Variants in A2M observed in about 807,000 individuals in gnomAD.
The protein encoded by A2M is C3 and PZP-like alpha-2-macroglobulin domain-containing protein 5.
Under a neutral mutation model 183.9 loss-of-function variants are expected in A2M, and 128 were observed. The observed-to-expected ratio is 0.70, with a 90% confidence interval of 0.60 to 0.81. The LOEUF (loss-of-function observed/expected upper bound fraction) is 0.81, where lower values mean the gene tolerates loss of function less well. Among genes scored for constraint, A2M ranks in the 30% least tolerant of loss-of-function variants. The pLI is 0.00. For missense variants in A2M, 1,495 were observed against 1,787.6 expected, an observed-to-expected ratio of 0.84 and a Z score of 2.95; for synonymous variants, 592 against 670.8, an observed-to-expected ratio of 0.88 and a Z score of 1.81.
chr12:9,107,621 G>A lies in A2M; in HGVS notation c.782C>T (p.Pro261Leu), dbSNP rs182493380. 2,608 of 1,613,946 alleles carry A rather than the reference G, an allele frequency of 1.6e-3. 76 individuals are homozygous for A. The Admixed American group carries it at 0.042, about 26-fold the overall frequency. Reference protein sequence around the residue: ...CGLYTYGKPVPGHVTVSICRK... With the variant: ...CGLYTYGKPVLGHVTVSICRK... Reference sequence around the variant, plus strand: ...GCAAATGCTCACAGTCACATGTCCAGGGACAGGCTTCCCATATGTGTATCT... The same window carrying A: ...GCAAATGCTCACAGTCACATGTCCAAGGACAGGCTTCCCATATGTGTATCT... The change falls in exon 8 of 36, where the codon CCT (proline) becomes CTT (leucine). Residue 261 changes from proline (P) to leucine (L), a missense_variant. Transcript: ENST00000318602.
chr12:9,077,454 A>C, intron 26 of A2M, 34 bp from the exon 27 acceptor site: 3 of 1,582,270 alleles, frequency 1.9e-6, no homozygotes, highest in Non-Finnish European at 2.6e-6. Flanking sequence ...GAATAATTCA[A>C]CTTCTGAGAA....
At chr12:9,087,525 G>T (rs764073017) in intron 22 of A2M, among the ~76,000 whole-genome samples, 8 of 152,214 alleles carry the variant, frequency 5.3e-5, no homozygotes, top group African/African-American at 1.9e-4. Context: ...AAGGAAGGTG[G>T]TGTTCAAGGG....
At chr12:9,070,727 C>T (rs193171720) in intron 31 of A2M, 149 bp from the exon 32 acceptor site, 13 of 600,962 alleles carry the variant, frequency 2.2e-5, no homozygotes, top group Non-Finnish European at 3.5e-5. Flanking sequence ...AAGTGGTGTG[C>T]GTAGAATTTT....
At chr12:9,093,059 A>G (rs1442568106) in intron 18 of A2M, among the ~76,000 whole-genome samples, 1 of 152,210 alleles carries the variant, frequency 6.6e-6, no homozygotes, top group African/African-American at 2.4e-5. Flanking sequence ...AGTTGAATAC[A>G]TAGGAACAGA....
chr12:9,079,450 T>G (rs1236755589), intron 24 of A2M, 119 bp from the exon 25 acceptor site: 2 of 1,194,910 alleles, frequency 1.7e-6, no homozygotes, highest in East Asian at 2.5e-5. Context: ...TGTCATAGAT[T>G]AGGAGTTTCT....
intron 22 of A2M, among the ~76,000 whole-genome samples, chr12:9,084,740 T>A (rs556274249): frequency 6.6e-6 from 1 of 152,046 alleles, no homozygotes; most frequent in East Asian, 1.9e-4. Flanking sequence ...AGTGACTGAA[T>A]GGATTTAAAA....
At chr12:9,095,421 C>T (rs1253828927) in intron 16 of A2M, 118 bp downstream of exon 16, 4 of 976,788 alleles carry the variant, frequency 4.1e-6, no homozygotes, top group Non-Finnish European at 5.9e-6. Flanking sequence ...AAGCCACTTA[C>T]CTCTTTATAT....
intron 24 of A2M, 95 bp downstream of exon 24, chr12:9,079,544 G>C: frequency 1.6e-6 from 2 of 1,230,894 alleles, no homozygotes; most frequent in Non-Finnish European, 1.1e-6. Flanking sequence ...AGTGAGCTAA[G>C]CTAATGTATC....
rs1219629708 is a variant in A2M at position 9,104,325 on chromosome 12, A to G, written c.1180T>C (p.Tyr394His). The G allele has an allele frequency of 1.2e-6, 2 of 1,611,396 alleles. No individual in the cohort carries two copies. The highest frequency in any genetic ancestry group is 3.3e-5 in the Admixed American group (2 of 59,708). ...IFIRGNEANY[Y>H]SNATTDEHGL... ...TGCTCATCCGTGGTAGCATTGGAGT[A>G]ATAGTTTGCTTCATTTCCTCTGATG... is the stretch of plus-strand genomic sequence containing the variant. The change falls in exon 11 of 36, where the codon TAC becomes CAC. Residue 394 changes from tyrosine to histidine, a missense_variant. Tyr to His is a moderately conservative substitution (Grantham distance 83). Transcript: ENST00000318602.
rs1387697354 is a variant in A2M at position 9,068,788 on chromosome 12, T to C, written c.4318A>G (p.Arg1440Gly). Residue 1440 changes from arginine (R) to glycine (G), a missense_variant, in exon 34 of 36, where the codon AGA becomes GGA. Coordinates refer to ENST00000318602, the MANE Select transcript of A2M (RefSeq NM_000014.6). ...TTCACTATGGCTGGTTTCAGATCTC[T>C]TACTGGGACATCTTGCAGAACCGTG... ...FFTVLQDVPV[R>G]DLKPAIVKVY... 2.5e-6 allele frequency: 4 copies of C among 1,609,412 alleles called. No homozygotes were observed. The highest frequency in any genetic ancestry group is 3.4e-6 in the Non-Finnish European group (4 of 1,177,960).
chr12:9,072,559 T>A, intron 30 of A2M, 73 bp from the exon 31 acceptor site: 1 of 1,599,846 alleles, frequency 6.3e-7, no homozygotes, highest in African/African-American at 1.3e-5. Context: ...TAACCCTTTC[T>A]CTGATCTGTC....
chr12:9,071,046 C>G (rs1007276765), intron 31 of A2M, among the ~76,000 whole-genome samples: 1 of 152,010 alleles, frequency 6.6e-6, no homozygotes, highest in Admixed American at 6.5e-5. Flanking sequence ...TCTTGAACTC[C>G]CGACCTAAGG....
At chr12:9,107,432 G>T (rs1298399479) in intron 8 of A2M, 92 bp downstream of exon 8, 11 of 1,462,640 alleles carry the variant, frequency 7.5e-6, no homozygotes, top group Non-Finnish European at 1.0e-5. Context: ...CTTCTAGATT[G>T]TTCTCTTCCT....
intron 22 of A2M, among the ~76,000 whole-genome samples, chr12:9,081,309 A>T (rs1948900936): frequency 6.6e-6 from 1 of 152,222 alleles, no homozygotes; most frequent in Non-Finnish European, 1.5e-5. Context: ...GCAAAAATTA[A>T]AATTAAAAAC....
At chr12:9,108,569 G>A (rs1213197650) in intron 7 of A2M, among the ~76,000 whole-genome samples, 5 of 152,184 alleles carry the variant, frequency 3.3e-5, no homozygotes, top group Non-Finnish European at 7.3e-5. Flanking sequence ...TGAGGAACCA[G>A]GAACTTGGCC....
chr12:9,085,757 T>A (rs750157469), intron 22 of A2M, among the ~76,000 whole-genome samples: 4 of 151,682 alleles, frequency 2.6e-5, no homozygotes, highest in Non-Finnish European at 5.9e-5. Context: ...TTTAGCTAGG[T>A]TAGCTAAGAA....
intron 22 of A2M, among the ~76,000 whole-genome samples, chr12:9,082,657 T>TGATG (rs1402411436): frequency 6.6e-6 from 1 of 152,184 alleles, no homozygotes; most frequent in Non-Finnish European, 1.5e-5. Flanking sequence ...AATCAAGGAA[T>TGATG]GATGACACCT....
Position 9,089,214 on chromosome 12 carries a change from AG to A in A2M, c.2755del (p.Leu919TyrfsTer15), listed in dbSNP as rs1340245188. ...GLEKETTFNS[L>X]LCPSGGEVSE... is the part of the protein sequence containing the mutation. ...TTGACTCTTACCTGATGGACAAAGT[AG>A]GGAGTTGAATGTTGTTTCCTTCTCT... On this transcript the variant is annotated frameshift_variant, in exon 22 of 36. Coordinates refer to ENST00000318602, the MANE Select transcript of A2M (RefSeq NM_000014.6). LOFTEE classifies it high-confidence loss of function. 1.3e-6 allele frequency: 2 copies of A among 1,589,568 alleles called. No homozygotes were observed. Among genetic ancestry groups the A allele is most frequent in the Non-Finnish European group, 1.7e-6 (2 of 1,165,994 alleles).
chr12:9,098,616 C>G lies in A2M; in HGVS notation c.1842G>C (p.Ser614=). 1.9e-6 allele frequency: 3 copies of G among 1,602,220 alleles called. No individual in the cohort carries two copies. Among genetic ancestry groups the G allele is most frequent in the Non-Finnish European group, 2.6e-6 (3 of 1,174,674 alleles). The change falls in exon 15 of 36, where the codon TCG becomes TCC. Residue 614 remains serine, a synonymous_variant. Coordinates refer to ENST00000318602, the MANE Select transcript of A2M (RefSeq NM_000014.6). ...GCTGCCAGGAACTCACCGAGGACGC[C>G]GAGAGCTCAGCATCAGGCTTCATGA... ...VLLMKPDAEL[S]ASSVYNLLPE... is the part of the protein sequence containing the mutation.
Sources: gnomAD v4.1 joint callset for allele counts (sites outside exome capture counted in the v4.1 genomes callset) on GRCh38, gnomAD v4.1.1 for gene constraint, MANE v1.5 for transcripts, NCBI Gene and HGNC (gene_info 2026-07-23, HGNC 2026-07-21) for gene names.